Variants in MOSMO observed in about 807,000 individuals in gnomAD.
MOSMO encodes modulator of smoothened.
Under a neutral mutation model 18.4 loss-of-function variants are expected in MOSMO, and 5 were observed. The ratio of observed to expected loss-of-function variants is 0.27; its 90% CI spans 0.14 to 0.57. MOSMO has a LOEUF of 0.57. Ranked by LOEUF, MOSMO falls within the 20% of genes least tolerant of loss-of-function variation. The pLI is 0.92. For synonymous variants in MOSMO, 82 were observed against 82.3 expected (o/e 1.00, Z 0.02); for missense variants, 138 against 211.8 (o/e 0.65, Z 2.16).
At chr16:22,017,357 A>G (rs1899661364) in intron 1 of MOSMO, among the ~76,000 whole-genome samples, 2 of 152,214 alleles carry the variant, frequency 1.3e-5, no homozygotes, top group East Asian at 1.9e-4. Flanking sequence ...TATAAATTTC[A>G]TATTTACAGC....
At chr16:22,034,337 A>G (rs1900058136) in intron 1 of MOSMO, among the ~76,000 whole-genome samples, 1 of 152,198 alleles carries the variant, frequency 6.6e-6, no homozygotes, top group Non-Finnish European at 1.5e-5. Flanking sequence ...CAAATTTCTG[A>G]CTGAAATCAT....
At chr16:22,057,708 AATAAAT>A (rs1900564117) in intron 1 of MOSMO, among the ~76,000 whole-genome samples, 1 of 152,242 alleles carries the variant, frequency 6.6e-6, no homozygotes, top group Non-Finnish European at 1.5e-5. Flanking sequence ...AAAAAATAAA[AATAAAT>A]ATAATTGTCA....
At chr16:22,022,757 A>G (rs1190913142) in intron 1 of MOSMO, among the ~76,000 whole-genome samples, 1 of 152,192 alleles carries the variant, frequency 6.6e-6, no homozygotes, top group Non-Finnish European at 1.5e-5. Context: ...GATTAAAAAG[A>G]GGTCTAGCCC....
At chr16:22,088,643 A>G (rs1487908403), downstream of MOSMO, among the ~76,000 whole-genome samples, 1 of 152,216 alleles carries the variant, frequency 6.6e-6, no homozygotes, top group Admixed American at 6.5e-5. Flanking sequence ...CAGTAAATTC[A>G]TGTGTTATGT....
Position 22,060,190 on chromosome 16 carries a change from A to G in MOSMO, c.107-15297A>G, listed in dbSNP as rs1193697954. On this transcript the variant is annotated intron_variant, in intron 1 of 2. Coordinates refer to ENST00000542527, the MANE Select transcript of MOSMO (RefSeq NM_001164579.2). ...AGACTCTGTCTCAAAAAAAAATTGA[A>G]AAATTGGACTCAAAATATAAAACAT... 2.0e-5 allele frequency among the ~76,000 whole-genome samples: 3 copies of G among 152,160 alleles called. No individual in the cohort carries two copies. In the East Asian group the frequency reaches 5.8e-4, roughly 29 times the overall value.
intron 2 of MOSMO, 104 bp downstream of exon 2, chr16:22,075,803 A>G (rs1900955886): frequency 1.2e-6 from 1 of 806,186 alleles, no homozygotes; most frequent in African/African-American, 1.7e-5. Flanking sequence ...ATAATCATCA[A>G]AGAGCACCAC....
chr16:22,058,334 G>A (rs2087961265), intron 1 of MOSMO, among the ~76,000 whole-genome samples: 1 of 151,434 alleles, frequency 6.6e-6, no homozygotes, highest in African/African-American at 2.4e-5. Context: ...GCTGAGGCAG[G>A]AGAATCACTT....
Position 22,080,737 on chromosome 16 carries a change from TTTTACA to T in MOSMO, c.363_368del (p.Tyr122_Ile123del). On this transcript the variant is annotated inframe_deletion, in exon 3 of 3. Coordinates refer to ENST00000542527, the MANE Select transcript of MOSMO (RefSeq NM_001164579.2). ...GGCTGCCCTAATATTTCCAATAGGA[TTTTACA>T]TCAATGAAGTCGGAGGTCAACCTTA... The T allele has an allele frequency of 6.7e-7, 1 of 1,503,056 alleles. No homozygotes were observed. Among genetic ancestry groups the T allele is most frequent in the Non-Finnish European group, 8.8e-7 (1 of 1,133,574 alleles). The allele number at this position is 1,503,056 out of a possible 1,614,324, so 93.1% of individuals were successfully genotyped here.
At chr16:22,031,456 C>T (rs1899992320) in intron 1 of MOSMO, among the ~76,000 whole-genome samples, 1 of 152,204 alleles carries the variant, frequency 6.6e-6, no homozygotes, top group African/African-American at 2.4e-5. Flanking sequence ...ATACAATCAT[C>T]ACCACAGTTG....
intron 1 of MOSMO, among the ~76,000 whole-genome samples, chr16:22,034,109 A>G (rs1226851118): frequency 6.6e-6 from 1 of 152,234 alleles, no homozygotes; most frequent in Non-Finnish European, 1.5e-5. Flanking sequence ...CCACTTAACA[A>G]GTAGTACAAT....
At chr16:22,049,763 A>G (rs557883381) in intron 1 of MOSMO, among the ~76,000 whole-genome samples, 2 of 152,302 alleles carry the variant, frequency 1.3e-5, no homozygotes, top group East Asian at 1.9e-4. Flanking sequence ...TTAATTTGCC[A>G]TCTTATTTTG....
chr16:22,070,861 C>A (rs775992662), intron 1 of MOSMO, among the ~76,000 whole-genome samples: 7 of 152,184 alleles, frequency 4.6e-5, no homozygotes, highest in Non-Finnish European at 1.0e-4. Context: ...CAGCGTCTGA[C>A]TTACCCAGGG....
chr16:22,056,560 T>G (rs1485065607), intron 1 of MOSMO, among the ~76,000 whole-genome samples: 1 of 151,156 alleles, frequency 6.6e-6, no homozygotes, highest in East Asian at 1.9e-4. Context: ...ATATATTTTT[T>G]TTTGGTAGAG....
At chr16:22,060,441 A>G (rs76486805) in intron 1 of MOSMO, among the ~76,000 whole-genome samples, 12,788 of 152,264 alleles carry the variant, frequency 0.084, 749 homozygotes, top group South Asian at 0.25. Context: ...ACATTAGGGA[A>G]ATAAAACCAC....
downstream of MOSMO, among the ~76,000 whole-genome samples, chr16:22,087,763 GCCTTC>G (rs2141797680): frequency 6.6e-6 from 1 of 152,232 alleles, no homozygotes; most frequent in South Asian, 2.1e-4. Flanking sequence ...CCTAATTTCT[GCCTTC>G]AGGGTTATCA....
intron 1 of MOSMO, among the ~76,000 whole-genome samples, chr16:22,038,205 A>G (rs897118069): frequency 6.6e-6 from 1 of 152,262 alleles, no homozygotes; most frequent in African/African-American, 2.4e-5. Context: ...GAAATTGAAA[A>G]GTACATTAGT....
In MOSMO at chr16:22,062,498, G is replaced by A. The variant is rs572918845; in HGVS notation, c.107-12989G>A. On this transcript the variant is annotated intron_variant, in intron 1 of 2. Transcript: ENST00000542527. ...TCACGATGCCCGGCTGATTTTTTTA[G>A]TTTTTGTAGAGATAAAGTCCCAGTG... 2.0e-5 allele frequency among the ~76,000 whole-genome samples: 3 copies of A among 152,018 alleles called. No individual in the cohort carries two copies. In the South Asian group the frequency reaches 6.2e-4, roughly 32 times the overall value.
intron 1 of MOSMO, among the ~76,000 whole-genome samples, chr16:22,047,533 C>T (rs1446250760): frequency 1.3e-5 from 2 of 152,010 alleles, no homozygotes; most frequent in African/African-American, 2.4e-5. Context: ...CTTGAGCCAC[C>T]GCGCCTGGCC....
At chr16:22,029,894 C>T (rs956442298) in intron 1 of MOSMO, among the ~76,000 whole-genome samples, 3 of 152,220 alleles carry the variant, frequency 2.0e-5, no homozygotes, top group Non-Finnish European at 2.9e-5. Flanking sequence ...TCCCGAAGTG[C>T]TGCGATTACA....
Sources: allele counts gnomAD v4.1 joint callset (sites outside exome capture counted in the v4.1 genomes callset), GRCh38; gene constraint gnomAD v4.1.1; transcripts MANE v1.5; gene names NCBI Gene and HGNC (gene_info 2026-07-23, HGNC 2026-07-21).